TNNI3: variants seen among roughly 807,000 people sequenced by gnomAD.
TNNI3 encodes the protein troponin I3, cardiac type, also known as troponin I, cardiac muscle.
A neutral mutation model predicts 31.5 loss-of-function variants in TNNI3; 23 were observed. That is an observed-to-expected ratio of 0.73 (90% CI 0.52 to 1.03). The LOEUF (loss-of-function observed/expected upper bound fraction) is 1.03, where lower values mean the gene tolerates loss of function less well. Among genes scored for constraint, TNNI3 ranks in the 50% least tolerant of loss-of-function variants. The probability of loss-of-function intolerance (pLI) is 0.00; values close to 1 mark genes in which losing one functional copy is unlikely to be tolerated. For synonymous variants in TNNI3, 120 were observed against 111.7 expected (o/e 1.07, Z -0.47); for missense variants, 236 against 282.9 (o/e 0.83, Z 1.19).
chr19:55,151,795 C>T lies in TNNI3; in HGVS notation c.*39G>A, dbSNP rs754034217. On this transcript the variant is annotated 3_prime_UTR_variant, in exon 8 of 8. Transcript: ENST00000344887. ...CAGCTCAGAGAGAAGCTTTATTCCT[C>T]AGGGCCCTCCTCAGGGCAGGGGCAG... The T allele has an allele frequency of 1.3e-6, 2 of 1,590,022 alleles. No homozygotes were observed. Among genetic ancestry groups the T allele is most frequent in the Non-Finnish European group, 1.7e-6 (2 of 1,158,280 alleles).
chr19:55,155,300 C>G (rs1568858782), intron 5 of TNNI3, among the ~76,000 whole-genome samples: 1 of 58,954 alleles, frequency 1.7e-5, no homozygotes, highest in Admixed American at 1.8e-4. Flanking sequence ...ACTCCAGGGT[C>G]TGAGGGAGGA....
chr19:55,156,748 T>C lies in TNNI3; in HGVS notation c.109-104A>G, dbSNP rs559089270. On this transcript the variant is annotated intron_variant, in intron 3 of 7. Transcript: ENST00000344887. This position sits in a 1 kb window ranked among gnomAD's most constrained non-coding sequence, Gnocchi z 4.6. ...CCAGCAAACCCAGCCGGTCCAGATT[T>C]GGGCCCACGTCCAACTTGAGCCCTG... The C allele has an allele frequency of 5.5e-5, 72 of 1,318,042 alleles. No homozygotes were observed. The highest frequency in any genetic ancestry group is 5.4e-4 in the Middle Eastern group (3 of 5,556). The allele number at this position is 1,318,042 out of a possible 1,614,324, so 81.6% of individuals were successfully genotyped here.
Position 55,156,456 on chromosome 19 carries a change from C to G in TNNI3, c.151-124G>C. ...TCTCCACTGTTCCAAGGCCCCGTCCCACCCCGAGCAGTACTCCCCGCTAAA... is the reference window on the plus strand; with the variant it reads ...TCTCCACTGTTCCAAGGCCCCGTCCGACCCCGAGCAGTACTCCCCGCTAAA... On this transcript the variant is annotated intron_variant, in intron 4 of 7. Transcript: ENST00000344887. This position sits in a 1 kb window ranked among gnomAD's most constrained non-coding sequence, Gnocchi z 4.6. 1 of 1,505,104 alleles carries G rather than the reference C, an allele frequency of 6.6e-7. No individual in the cohort carries two copies. Among genetic ancestry groups the G allele is most frequent in the South Asian group, 1.2e-5 (1 of 82,402 alleles). The allele number at this position is 1,505,104 out of a possible 1,614,324, so 93.2% of individuals were successfully genotyped here.
In TNNI3 at chr19:55,151,786, T is replaced by C. The variant is rs756457017; in HGVS notation, c.*48A>G. The C allele has an allele frequency of 6.4e-7, 1 of 1,571,146 alleles. No homozygotes were observed. Among genetic ancestry groups the C allele is most frequent in the Non-Finnish European group, 8.8e-7 (1 of 1,141,226 alleles). Reference sequence around the variant, plus strand: ...AGTCACTTTCAGCTCAGAGAGAAGCTTTATTCCTCAGGGCCCTCCTCAGGG... The same window carrying C: ...AGTCACTTTCAGCTCAGAGAGAAGCCTTATTCCTCAGGGCCCTCCTCAGGG... On this transcript the variant is annotated 3_prime_UTR_variant, in exon 8 of 8. Coordinates refer to ENST00000344887, the MANE Select transcript of TNNI3 (RefSeq NM_000363.5).
rs2085702139 is a variant in TNNI3 at position 55,152,724 on chromosome 19, C to G, written c.550-807G>C. 6.6e-6 allele frequency among the ~76,000 whole-genome samples: 1 copy of G among 152,194 alleles called. No individual in the cohort carries two copies. The highest frequency in any genetic ancestry group is 1.5e-5 in the Non-Finnish European group (1 of 68,026). ...CACTGCAGCCTCAACTTCCTGGGCT[C>G]AAGCCATCCTCTCACCTCAGACTCC... is the stretch of plus-strand genomic sequence containing the variant. On this transcript the variant is annotated intron_variant, in intron 7 of 7. Coordinates refer to ENST00000344887, the MANE Select transcript of TNNI3 (RefSeq NM_000363.5). The surrounding 1 kb of genome is among the most constrained non-coding windows in gnomAD (Gnocchi z 4.0).
At chr19:55,154,003 T>A (rs2085710674) in intron 7 of TNNI3, 27 bp downstream of exon 7, 1 of 1,610,218 alleles carries the variant, frequency 6.2e-7, no homozygotes, top group Non-Finnish European at 8.5e-7. Flanking sequence ...CTCAGCATCC[T>A]CTTTCCTGGC....
chr19:55,153,730 G>C (rs7252280), intron 7 of TNNI3, among the ~76,000 whole-genome samples: 1 of 7,740 alleles, frequency 1.3e-4, no homozygotes, highest in African/African-American at 1.5e-4. Flanking sequence ...AGACTCCATC[G>C]CAAAAAAAAA....
intron 6 of TNNI3, 150 bp downstream of exon 6, chr19:55,154,590 CT>C (rs903077558): frequency 1.3e-6 from 1 of 741,614 alleles, no homozygotes; most frequent in African/African-American, 1.7e-5. Flanking sequence ...CTATATTGTA[CT>C]CATCCTTCTG....
At chr19:55,154,372 G>C in intron 6 of TNNI3, 166 bp from the exon 7 acceptor site, 1 of 739,148 alleles carries the variant, frequency 1.4e-6, no homozygotes, top group Non-Finnish European at 2.3e-6. Context: ...TCCTGGAACT[G>C]AATCCCCCTC....
rs1319531028 is a variant in TNNI3, at chr19:55,157,179, C to A, written c.25-46G>T. On this transcript the variant is annotated intron_variant, in intron 2 of 7. Coordinates refer to ENST00000344887, the MANE Select transcript of TNNI3 (RefSeq NM_000363.5). This position sits in a 1 kb window ranked among gnomAD's most constrained non-coding sequence, Gnocchi z 6.3. ...ACCCCATCACCACCAAGACCCCACC[C>A]AGCCCTTACCGTACCGCACCCTCTG... is the stretch of plus-strand genomic sequence containing the variant. The A allele has an allele frequency of 6.3e-7, 1 of 1,589,348 alleles. No homozygotes were observed. The highest frequency in any genetic ancestry group is 1.8e-5 in the Admixed American group (1 of 54,604).
Position 55,157,358 on chromosome 19 carries a change from T to C in TNNI3, c.12-50A>G, listed in dbSNP as rs754622533. 4.5e-5 allele frequency: 73 copies of C among 1,611,246 alleles called. No homozygotes were observed. The highest frequency in any genetic ancestry group is 5.6e-5 in the Non-Finnish European group (66 of 1,179,178). ...GGGGTTAGTGGTGGGCTGTGTCCTG[T>C]CTCCTAAGGGACCCCTGGAGTCCCC... On this transcript the variant is annotated intron_variant, in intron 1 of 7. Coordinates refer to ENST00000344887, the MANE Select transcript of TNNI3 (RefSeq NM_000363.5). The surrounding 1 kb of genome is among the most constrained non-coding windows in gnomAD (Gnocchi z 6.3).
chr19:55,157,387 G>A lies in TNNI3; in HGVS notation c.12-79C>T. 1.2e-6 allele frequency: 2 copies of A among 1,607,628 alleles called. No individual in the cohort carries two copies. The highest frequency in any genetic ancestry group is 1.3e-5 in the African/African-American group (1 of 74,858). On this transcript the variant is annotated intron_variant, in intron 1 of 7. Transcript: ENST00000344887. The surrounding 1 kb of genome is among the most constrained non-coding windows in gnomAD (Gnocchi z 6.3). The stretch of plus-strand genomic sequence containing the variant: ...CTAAGGGACCCCTGGAGTCCCCTCT[G>A]AACAAGAGGTCGGGGGACCGCGCTT...
chr19:55,156,288 C>T lies in TNNI3; in HGVS notation c.195G>A (p.Ala65=), dbSNP rs2147284967. 1.2e-6 allele frequency: 2 copies of T among 1,611,022 alleles called. No homozygotes were observed. The highest frequency in any genetic ancestry group is 1.7e-6 in the Non-Finnish European group (2 of 1,179,290). Residue 65 remains alanine (A), a synonymous_variant, in exon 5 of 8, where the codon GCG becomes GCA. Transcript: ENST00000344887. This position sits in a 1 kb window ranked among gnomAD's most constrained non-coding sequence, Gnocchi z 4.6. ...GCCCCTTCTCTCCGCGCCGCTCCTCCGCCTCTCGCTCCAGCTCTTGCTTTG... is the reference window on the plus strand; with the variant it reads ...GCCCCTTCTCTCCGCGCCGCTCCTCTGCCTCTCGCTCCAGCTCTTGCTTTG... The part of the protein sequence containing the change: ...QIAKQELERE[A]EERRGEKGRA...
chr19:55,156,722 C>A lies in TNNI3; in HGVS notation c.109-78G>T, dbSNP rs1261883747. The A allele has an allele frequency of 1.4e-5, 21 of 1,470,624 alleles. No homozygotes were observed. The highest frequency in any genetic ancestry group is 2.0e-5 in the Non-Finnish European group (21 of 1,073,608). The allele number at this position is 1,470,624 out of a possible 1,614,324, so 91.1% of individuals were successfully genotyped here. ...ACGGTGGAGGGGACCTCAAGACACCCCCAGCAAACCCAGCCGGTCCAGATT... is the reference window on the plus strand; with the variant it reads ...ACGGTGGAGGGGACCTCAAGACACCACCAGCAAACCCAGCCGGTCCAGATT... On this transcript the variant is annotated intron_variant, in intron 3 of 7. Transcript: ENST00000344887. This position sits in a 1 kb window ranked among gnomAD's most constrained non-coding sequence, Gnocchi z 4.6.
intron 5 of TNNI3, 21 bp from the exon 6 acceptor site, chr19:55,154,851 G>C: frequency 6.2e-7 from 1 of 1,612,502 alleles, no homozygotes; most frequent in Non-Finnish European, 8.5e-7. Flanking sequence ...AACGTGGTGT[G>C]TGTTGTTGGG....
rs2085701704 is a variant in TNNI3, at chr19:55,152,633, T to G, written c.550-716A>C. Among the ~76,000 whole-genome samples, 4 of 152,124 alleles carry G rather than the reference T, an allele frequency of 2.6e-5. No homozygotes were observed. ...TGTTATAATTGTTCTATTTTATTATTATTATTATTTGAGACAGGGTCTGGC... is the reference window on the plus strand; with the variant it reads ...TGTTATAATTGTTCTATTTTATTATGATTATTATTTGAGACAGGGTCTGGC... On this transcript the variant is annotated intron_variant, in intron 7 of 7. Transcript: ENST00000344887. The surrounding 1 kb of genome is among the most constrained non-coding windows in gnomAD (Gnocchi z 4.0).
intron 7 of TNNI3, 87 bp downstream of exon 7, chr19:55,153,943 A>G: frequency 6.6e-7 from 1 of 1,511,288 alleles, no homozygotes; most frequent in South Asian, 1.1e-5. Context: ...TCCAACTCCA[A>G]GCACCATCTG....
Position 55,151,866 on chromosome 19 carries a change from T to C in TNNI3, c.601A>G (p.Met201Val). 1 of 1,614,110 alleles carries C rather than the reference T, an allele frequency of 6.2e-7. No individual in the cohort carries two copies. Among genetic ancestry groups the C allele is most frequent in the Non-Finnish European group, 8.5e-7 (1 of 1,179,962 alleles). ...TCAAACTTTTTCTTGCGGCCCTCCATTCCACTCAGTGCATCGATGTTCTTG... is the reference window on the plus strand; with the variant it reads ...TCAAACTTTTTCTTGCGGCCCTCCACTCCACTCAGTGCATCGATGTTCTTG... ...WRKNIDALSGMEGRKKKFES is the reference protein window; with the variant it reads ...WRKNIDALSGVEGRKKKFES Residue 201 changes from methionine to valine, a missense_variant, in exon 8 of 8, where the codon ATG becomes GTG. By Grantham distance (21) the Met-to-Val change is conservative. Coordinates refer to ENST00000344887, the MANE Select transcript of TNNI3 (RefSeq NM_000363.5).
At position 55,157,087 on chromosome 19, in the gene TNNI3, G is replaced by A. The variant is rs1056846497; in HGVS notation, c.71C>T (p.Ser24Phe). Residue 24 changes from serine to phenylalanine, a missense_variant, in exon 3 of 8, where the codon TCC (serine) becomes TTC (phenylalanine). By Grantham distance (155) the Ser-to-Phe change is radical. Around this residue, in one of 4 missense-constraint regions of TNNI3, gnomAD observed 172 missense variants for 171.8 expected, o/e 1.00. Transcript: ENST00000344887. This position sits in a 1 kb window ranked among gnomAD's most constrained non-coding sequence, Gnocchi z 6.3. ...CTCCGTGGCATAAGCGCGGTAGTTG[G>A]AGGAGCGGCGTCTGATTGGGGCTGG... ...PAPAPIRRRS[S>F]NYRAYATEPH... The A allele has an allele frequency of 1.9e-6, 3 of 1,602,480 alleles. No homozygotes were observed. The highest frequency in any genetic ancestry group is 2.6e-6 in the Non-Finnish European group (3 of 1,176,386).
Sources: allele counts gnomAD v4.1 joint callset (sites outside exome capture counted in the v4.1 genomes callset), GRCh38; gene constraint gnomAD v4.1.1; regional missense constraint gnomAD v4.1.1; non-coding constraint Gnocchi (gnomAD v3.1); transcripts MANE v1.5; gene names NCBI Gene and HGNC (gene_info 2026-07-23, HGNC 2026-07-21).